The following PPFIA2 variants were observed in gnomAD, a reference collection of about 807,000 sequenced individuals.
The protein encoded by PPFIA2 is PPFI scaffold protein A2.
Under a neutral mutation model 175.5 loss-of-function variants are expected in PPFIA2, and 46 were observed. That is an observed-to-expected ratio of 0.26 (90% confidence interval 0.21 to 0.34). The LOEUF is 0.34. Among genes scored for constraint, PPFIA2 ranks in the 10% least tolerant of loss-of-function variants. The probability of loss-of-function intolerance (pLI) is 1.00; values close to 1 mark genes in which losing one functional copy is unlikely to be tolerated. For synonymous variants in PPFIA2, 568 were observed against 511.4 expected (o/e 1.11, Z -1.49); for missense variants, 1,179 against 1,506.1 (o/e 0.78, Z 3.60).
intron 3 of PPFIA2, among the ~76,000 whole-genome samples, chr12:81,734,459 C>T (rs929636529): frequency 4.6e-5 from 7 of 151,626 alleles, no homozygotes; most frequent in African/African-American, 1.7e-4. Context: ...AGAGGTCAGG[C>T]TTGAAGACAT....
At chr12:81,745,377 A>T (rs897979624) in intron 3 of PPFIA2, among the ~76,000 whole-genome samples, 3 of 152,156 alleles carry the variant, frequency 2.0e-5, no homozygotes, top group African/African-American at 7.2e-5. Context: ...TGACCACTTC[A>T]GACTCAGGGC....
chr12:81,510,566 C>T (rs12308024), intron 4 of PPFIA2, among the ~76,000 whole-genome samples: 6 of 152,018 alleles, frequency 3.9e-5, no homozygotes, highest in African/African-American at 1.2e-4. Flanking sequence ...GAGATAGGTT[C>T]TATGATTGTA....
chr12:81,473,567 A>C (rs1188750050), intron 4 of PPFIA2, among the ~76,000 whole-genome samples: 2 of 151,864 alleles, frequency 1.3e-5, no homozygotes, highest in Non-Finnish European at 2.9e-5. Flanking sequence ...ACATGAAATT[A>C]TCATGACATT....
chr12:81,737,882 G>T (rs575929991), intron 3 of PPFIA2, among the ~76,000 whole-genome samples: 1 of 151,798 alleles, frequency 6.6e-6, no homozygotes, highest in South Asian at 2.1e-4. Context: ...AATAAAGTGA[G>T]AACTAGCATA....
At chr12:81,654,098 TA>T (rs1030641050) in intron 4 of PPFIA2, among the ~76,000 whole-genome samples, 4 of 148,610 alleles carry the variant, frequency 2.7e-5, no homozygotes, top group East Asian at 2.0e-4. Context: ...GGAAAAAAAT[TA>T]AAAAAAAATC....
At chr12:81,427,699 A>G (rs1473236449) in intron 7 of PPFIA2, among the ~76,000 whole-genome samples, 2 of 152,078 alleles carry the variant, frequency 1.3e-5, no homozygotes, top group African/African-American at 4.8e-5. Context: ...ATCAACAGAA[A>G]AGTATTTTCA....
chr12:81,531,151 T>C (rs986134255), intron 4 of PPFIA2, among the ~76,000 whole-genome samples: 3 of 151,952 alleles, frequency 2.0e-5, no homozygotes, highest in Non-Finnish European at 2.9e-5. Flanking sequence ...GCAACCAGTT[T>C]ACTTATTCCC....
At chr12:81,740,294 G>A (rs925647526) in intron 3 of PPFIA2, among the ~76,000 whole-genome samples, 3 of 152,090 alleles carry the variant, frequency 2.0e-5, no homozygotes, top group Non-Finnish European at 4.4e-5. Context: ...CAAGCCCTAT[G>A]TACGTTTGGC....
chr12:81,447,344 G>T (rs1166060071), intron 5 of PPFIA2, among the ~76,000 whole-genome samples: 1 of 151,992 alleles, frequency 6.6e-6, no homozygotes, highest in Non-Finnish European at 1.5e-5. Flanking sequence ...TTTTCCAGTG[G>T]CATCTGATGT....
chr12:81,381,283 C>T (rs536735336), intron 9 of PPFIA2, among the ~76,000 whole-genome samples: 13 of 152,132 alleles, frequency 8.5e-5, no homozygotes, highest in South Asian at 4.1e-4. Context: ...GAAAGGAGAA[C>T]GTTTTGCCCA....
intron 4 of PPFIA2, among the ~76,000 whole-genome samples, chr12:81,674,612 G>T (rs1351211324): frequency 6.6e-6 from 1 of 151,980 alleles, no homozygotes; most frequent in African/African-American, 2.4e-5. Context: ...AGGCTGCAGT[G>T]AGATCAGGCT....
chr12:81,420,025 T>G (rs1050353801), intron 7 of PPFIA2, among the ~76,000 whole-genome samples: 1 of 152,162 alleles, frequency 6.6e-6, no homozygotes, highest in South Asian at 2.1e-4. Flanking sequence ...CCTTGTCTAC[T>G]AAAAACGCTG....
intron 11 of PPFIA2, among the ~76,000 whole-genome samples, chr12:81,373,399 A>T (rs1487157228): frequency 6.6e-6 from 1 of 151,964 alleles, no homozygotes; most frequent in Non-Finnish European, 1.5e-5. Context: ...AAAAAATGAA[A>T]TAATATGAAC....
intron 30 of PPFIA2, among the ~76,000 whole-genome samples, chr12:81,264,166 A>G (rs2036507599): frequency 6.6e-6 from 1 of 152,156 alleles, no homozygotes; most frequent in South Asian, 2.1e-4. Flanking sequence ...GCAACATCAT[A>G]CCCCACATAG....
At chr12:81,303,492 G>A (rs2048379603) in intron 22 of PPFIA2, among the ~76,000 whole-genome samples, 1 of 152,160 alleles carries the variant, frequency 6.6e-6, no homozygotes. Flanking sequence ...GCAAGAAACA[G>A]TTATTTTGAG....
At chr12:81,500,129 G>A (rs1378520992) in intron 4 of PPFIA2, among the ~76,000 whole-genome samples, 3 of 151,996 alleles carry the variant, frequency 2.0e-5, no homozygotes, top group African/African-American at 2.4e-5. Context: ...TAGTGAACAC[G>A]CACTTATCTT....
intron 4 of PPFIA2, among the ~76,000 whole-genome samples, chr12:81,510,760 T>G (rs1306739254): frequency 6.6e-6 from 1 of 152,102 alleles, no homozygotes. Flanking sequence ...TGTACTAGTT[T>G]TGTATAGTCA....
intron 3 of PPFIA2, among the ~76,000 whole-genome samples, chr12:81,680,629 T>G (rs1418333479): frequency 6.6e-6 from 1 of 151,894 alleles, no homozygotes; most frequent in Non-Finnish European, 1.5e-5. Flanking sequence ...CATAGCTATT[T>G]CTTATTTGCC....
At chr12:81,332,703 T>A (rs2056371729) in intron 21 of PPFIA2, among the ~76,000 whole-genome samples, 1 of 152,216 alleles carries the variant, frequency 6.6e-6, no homozygotes, top group Non-Finnish European at 1.5e-5. Context: ...TCCACAGGGA[T>A]AGGAACTCAA....
Sources: allele counts gnomAD v4.1 joint callset (sites outside exome capture counted in the v4.1 genomes callset), GRCh38; gene constraint gnomAD v4.1.1; transcripts MANE v1.5; gene names NCBI Gene and HGNC (gene_info 2026-07-23, HGNC 2026-07-21).